Variants in RAD51B observed in about 807,000 individuals in gnomAD.
The protein encoded by RAD51B is DNA repair protein RAD51 homolog 2.
RAD51B carries 38 observed loss-of-function variants against 42.2 expected under a neutral mutation model. That is an observed-to-expected ratio of 0.90 (90% CI 0.70 to 1.18). RAD51B has a LOEUF of 1.18. Ranked by LOEUF, RAD51B falls within the 50% of genes most tolerant of loss-of-function variation. The probability of loss-of-function intolerance (pLI) is 0.00; values close to 1 mark genes in which losing one functional copy is unlikely to be tolerated. For synonymous variants in RAD51B, 154 were observed against 145.2 expected, an observed-to-expected ratio of 1.06 and a Z score of -0.43; for missense variants, 373 against 400.7, an observed-to-expected ratio of 0.93 and a Z score of 0.59.
rs886358228 is a variant in RAD51B at position 68,540,586 on chromosome 14, G to T, written c.1037-53899G>T. On this transcript the variant is annotated intron_variant, in intron 10 of 10. Transcript: ENST00000487270. Reference sequence around the variant, plus strand: ...AAAACTGGGCTTAGCGTGGTTCTAGGTGCTGTGCAAGTATATAATGACACC... The same window carrying T: ...AAAACTGGGCTTAGCGTGGTTCTAGTTGCTGTGCAAGTATATAATGACACC... 4.1e-6 allele frequency: 4 copies of T among 985,236 alleles called. No individual in the cohort carries two copies. In the African/African-American group the frequency reaches 5.2e-5, roughly 13 times the overall value. 61.0% of individuals were successfully genotyped at this position (985,236 alleles called of 1,614,324 possible). A position where few individuals can be genotyped will look rare whatever the true frequency, so the allele number is the denominator to read the frequency against.
Position 68,470,273 on chromosome 14 carries a change from C to G in RAD51B, c.1036+2023C>G, listed in dbSNP as rs1041397521. Among the ~76,000 whole-genome samples, 7 of 152,182 alleles carry G rather than the reference C, an allele frequency of 4.6e-5. No individual in the cohort carries two copies. In the South Asian group the frequency reaches 6.2e-4, roughly 14 times the overall value. The stretch of plus-strand genomic sequence containing the variant: ...AAGTTGTTTTCTCTATCCCACTCCC[C>G]CAAGCTACACATCCCTCTCTGAGGT... On this transcript the variant is annotated intron_variant, in intron 10 of 10. Coordinates refer to ENST00000471583, the MANE Select transcript of RAD51B (RefSeq NM_133510.4).
chr14:68,431,907 T>C (rs1280721210), intron 9 of RAD51B, among the ~76,000 whole-genome samples: 3 of 152,250 alleles, frequency 2.0e-5, no homozygotes, highest in Admixed American at 2.0e-4. Flanking sequence ...AATTTCCCTC[T>C]ACACCCTGCT....
At chr14:67,892,882 C>T (rs1353412016) in intron 7 of RAD51B, among the ~76,000 whole-genome samples, 1 of 152,258 alleles carries the variant, frequency 6.6e-6, no homozygotes, top group East Asian at 1.9e-4. Flanking sequence ...TAAGCACATG[C>T]ATGCGACTCC....
At chr14:68,511,547 G>A (rs1041312727) in intron 10 of RAD51B, among the ~76,000 whole-genome samples, 5 of 152,150 alleles carry the variant, frequency 3.3e-5, no homozygotes, top group African/African-American at 1.2e-4. Flanking sequence ...CTTCTTTCAT[G>A]GAAAACATGA....
chr14:68,146,095 G>A (rs189932794), intron 7 of RAD51B, among the ~76,000 whole-genome samples: 122 of 152,224 alleles, frequency 8.0e-4, no homozygotes, highest in African/African-American at 2.8e-3. Flanking sequence ...TAGTAGTGTG[G>A]GGAGGTGGAA....
chr14:68,190,698 A>G (rs1048884609), intron 7 of RAD51B, among the ~76,000 whole-genome samples: 3 of 152,164 alleles, frequency 2.0e-5, no homozygotes, highest in African/African-American at 7.2e-5. Context: ...TGAAAAGTTC[A>G]GATTAAAATT....
chr14:68,668,568 A>G (rs1300490398), intron 11 of RAD51B, among the ~76,000 whole-genome samples: 1 of 152,234 alleles, frequency 6.6e-6, no homozygotes, highest in Admixed American at 6.5e-5. Context: ...AGCAATCTTG[A>G]AGCCACATTT....
intron 7 of RAD51B, among the ~76,000 whole-genome samples, chr14:67,925,331 C>T (rs1324854072): frequency 3.3e-5 from 5 of 151,894 alleles, no homozygotes; most frequent in Non-Finnish European, 2.9e-5. Context: ...AGTGCAGTGG[C>T]GTGTGATCTC....
At chr14:68,486,067 C>A (rs543431444) in intron 10 of RAD51B, among the ~76,000 whole-genome samples, 1 of 152,334 alleles carries the variant, frequency 6.6e-6, no homozygotes, top group East Asian at 1.9e-4. Context: ...CAAATGTATT[C>A]AAATTTCAGT....
intron 10 of RAD51B, chr14:68,470,391 A>G: frequency 4.7e-6 from 2 of 426,940 alleles, no homozygotes; most frequent in Non-Finnish European, 9.2e-6. Context: ...GTGTGCTCCC[A>G]AAGACTTTGG....
intron 7 of RAD51B, among the ~76,000 whole-genome samples, chr14:68,018,209 A>T (rs1206226402): frequency 6.6e-6 from 1 of 152,196 alleles, no homozygotes; most frequent in Non-Finnish European, 1.5e-5. Flanking sequence ...CCTTTTCAAA[A>T]TACATTTAAA....
At chr14:68,662,397 T>C (rs1892951722) in intron 11 of RAD51B, among the ~76,000 whole-genome samples, 1 of 152,250 alleles carries the variant, frequency 6.6e-6, no homozygotes, top group African/African-American at 2.4e-5. Flanking sequence ...TAGGAGATTC[T>C]AATTCTGTTA....
At chr14:68,217,329 C>A (rs961309757) in intron 7 of RAD51B, among the ~76,000 whole-genome samples, 7 of 152,224 alleles carry the variant, frequency 4.6e-5, no homozygotes, top group African/African-American at 1.7e-4. Context: ...TATCTATAGA[C>A]CTCTGTGAGC....
chr14:68,291,926 C>T lies in RAD51B; in HGVS notation c.799C>T (p.Leu267=). 1 of 1,613,984 alleles carries T rather than the reference C, an allele frequency of 6.2e-7. No individual in the cohort carries two copies. Among genetic ancestry groups the T allele is most frequent in the Non-Finnish European group, 8.5e-7 (1 of 1,179,868 alleles). The change falls in exon 8 of 11, where the codon CTG becomes TTG. Residue 267 remains leucine (L), a synonymous_variant. Transcript: ENST00000471583. ...GATTACAACCCATCTGAGTGGAGCC[C>T]TGGCTTCTCAGGCAGACCTGGTGTC... ...NQITTHLSGA[L]ASQADLVSPA...
chr14:67,960,110 A>T (rs1244509556), intron 7 of RAD51B, among the ~76,000 whole-genome samples: 4 of 151,272 alleles, frequency 2.6e-5, no homozygotes, highest in African/African-American at 7.3e-5. Context: ...GTGTGTGTGT[A>T]TGTTTGTGTG....
intron 10 of RAD51B, among the ~76,000 whole-genome samples, chr14:68,631,539 C>T (rs8014012): frequency 1.3e-3 from 200 of 152,296 alleles, no homozygotes; most frequent in African/African-American, 4.5e-3. Context: ...GAACTTGACT[C>T]AAGAGAGGCC....
At chr14:68,524,968 C>T (rs1361995140) in intron 10 of RAD51B, among the ~76,000 whole-genome samples, 3 of 152,188 alleles carry the variant, frequency 2.0e-5, no homozygotes, top group African/African-American at 7.2e-5. Context: ...CTCCCAAAGA[C>T]GTCCAAGTCC....
chr14:68,193,508 A>G (rs758497868), intron 7 of RAD51B, among the ~76,000 whole-genome samples: 4 of 152,200 alleles, frequency 2.6e-5, no homozygotes, highest in Non-Finnish European at 5.9e-5. Flanking sequence ...GGAAACAATG[A>G]TATTTAGATT....
chr14:68,344,761 C>T (rs898028231), intron 8 of RAD51B, among the ~76,000 whole-genome samples: 1 of 151,800 alleles, frequency 6.6e-6, no homozygotes, highest in African/African-American at 2.4e-5. Context: ...GTCTGGCCAA[C>T]ATGATGAAAC....
Sources: gnomAD v4.1 joint callset for allele counts (sites outside exome capture counted in the v4.1 genomes callset) on GRCh38, gnomAD v4.1.1 for gene constraint, MANE v1.5 for transcripts, NCBI Gene and HGNC (gene_info 2026-07-23, HGNC 2026-07-21) for gene names.